Variants in KCTD2 observed in about 807,000 individuals in gnomAD.
KCTD2 encodes potassium channel tetramerization domain containing 2.
A neutral mutation model predicts 27.9 loss-of-function variants in KCTD2; 18 were observed. The observed-to-expected ratio is 0.64, with a 90% confidence interval of 0.45 to 0.96. The LOEUF is 0.96. Among genes scored for constraint, KCTD2 ranks in the 40% least tolerant of loss-of-function variants. KCTD2 has a pLI of 0.00. For missense variants in KCTD2, 280 were observed against 348.0 expected (o/e 0.80, Z 1.56); for synonymous variants, 175 against 148.4 (o/e 1.18, Z -1.30).
At chr17:75,048,616 C>T (rs1458392342) in intron 1 of KCTD2, among the ~76,000 whole-genome samples, 1 of 152,124 alleles carries the variant, frequency 6.6e-6, no homozygotes, top group Admixed American at 6.6e-5. Flanking sequence ...TCTTCTTGTT[C>T]CTTTTACTGT....
At chr17:75,052,920 C>T in intron 2 of KCTD2, 94 bp from the exon 3 acceptor site, 1 of 880,826 alleles carries the variant, frequency 1.1e-6, no homozygotes. Flanking sequence ...AATAAATAAG[C>T]AGTTTTTAGC....
upstream of KCTD2, among the ~76,000 whole-genome samples, chr17:75,043,544 C>T (rs1286882764): frequency 2.8e-5 from 4 of 144,682 alleles, no homozygotes; most frequent in Admixed American, 7.1e-5. Context: ...ACCTGGGCGG[C>T]GGAGGTTGCA....
Position 75,063,088 on chromosome 17 carries a change from A to G in KCTD2, c.*41A>G. 1 of 1,594,444 alleles carries G rather than the reference A, an allele frequency of 6.3e-7. No individual in the cohort carries two copies. The highest frequency in any genetic ancestry group is 8.6e-7 in the Non-Finnish European group (1 of 1,162,858). On this transcript the variant is annotated 3_prime_UTR_variant, in exon 6 of 6. Transcript: ENST00000322444. The stretch of plus-strand genomic sequence containing the variant: ...ACTCCAGACCTTCAGGAGAGCAGTC[A>G]GCAGAGCCCCTCTGTGAAGTGAAAC...
rs774423670 is a variant in KCTD2 at position 75,063,178 on chromosome 17, T to C, written c.*131T>C. The C allele has an allele frequency of 1.3e-5, 12 of 891,268 alleles. No individual in the cohort carries two copies. The highest frequency in any genetic ancestry group is 1.8e-5 in the Non-Finnish European group (10 of 546,940). 55.2% of individuals were successfully genotyped at this position (891,268 alleles called of 1,614,324 possible). A position where few individuals can be genotyped will look rare whatever the true frequency, so the allele number is the denominator to read the frequency against. ...CTGATCCTGGCCCCCTGTGAAGAAGTGTTCTGGTCAAAACTAAAGGAACTC... is the reference window on the plus strand; with the variant it reads ...CTGATCCTGGCCCCCTGTGAAGAAGCGTTCTGGTCAAAACTAAAGGAACTC... On this transcript the variant is annotated 3_prime_UTR_variant, in exon 6 of 6. Transcript: ENST00000322444.
At chr17:75,046,989 C>G (rs992348236), upstream of KCTD2, 3 of 199,092 alleles carry the variant, frequency 1.5e-5, no homozygotes, top group Admixed American at 6.0e-5. Context: ...ACGGGAAGAT[C>G]TTTCCTCAGC....
chr17:75,057,429 C>T (rs1037975177), intron 3 of KCTD2, among the ~76,000 whole-genome samples: 4 of 151,932 alleles, frequency 2.6e-5, no homozygotes, highest in African/African-American at 9.7e-5. Flanking sequence ...GAATTTTGTA[C>T]TTATACAATT....
At chr17:75,053,756 T>C (rs1240227024) in intron 3 of KCTD2, among the ~76,000 whole-genome samples, 1 of 151,514 alleles carries the variant, frequency 6.6e-6, no homozygotes, top group East Asian at 1.9e-4. Flanking sequence ...CCACTCTTTA[T>C]GGAGATGAGC....
chr17:75,035,509 A>G (rs2040107745), intron 3 of KCTD2, among the ~76,000 whole-genome samples: 1 of 152,172 alleles, frequency 6.6e-6, no homozygotes, highest in African/African-American at 2.4e-5. Context: ...ATCGTTATGA[A>G]GTTAAACAGC....
At chr17:75,035,543 G>A (rs918057786) in intron 3 of KCTD2, among the ~76,000 whole-genome samples, 2 of 151,936 alleles carry the variant, frequency 1.3e-5, no homozygotes, top group Non-Finnish European at 2.9e-5. Flanking sequence ...GTCTCTGGCC[G>A]GGCCCAATGG....
At chr17:75,039,674 C>G in intron 3 of KCTD2, 1 of 271,266 alleles carries the variant, frequency 3.7e-6, no homozygotes, top group South Asian at 5.6e-5. Context: ...TTGAATACTA[C>G]TTGGGTAATT....
chr17:75,034,714 C>T (rs894180045), intron 2 of KCTD2, among the ~76,000 whole-genome samples: 4 of 152,044 alleles, frequency 2.6e-5, no homozygotes, highest in Admixed American at 2.0e-4. Context: ...TGCCCTGTAA[C>T]CCCGAGAAGA....
At chr17:75,042,641 G>A (rs1423040676), upstream of KCTD2, 7 of 1,605,976 alleles carry the variant, frequency 4.4e-6, no homozygotes, top group East Asian at 4.5e-5. Context: ...GCAAGTTTTC[G>A]CCCAGCCATT....
intron 3 of KCTD2, chr17:75,039,690 A>C: frequency 3.7e-6 from 1 of 267,524 alleles, no homozygotes; most frequent in East Asian, 8.7e-5. Context: ...TAATTTTTCT[A>C]ATTCCAACTC....
intron 3 of KCTD2, among the ~76,000 whole-genome samples, chr17:75,055,574 C>G (rs1193480114): frequency 6.6e-6 from 1 of 151,802 alleles, no homozygotes; most frequent in Non-Finnish European, 1.5e-5. Flanking sequence ...TGGCTCATGC[C>G]TGTAATCCCA....
chr17:75,055,972 A>G (rs2073346383), intron 3 of KCTD2, among the ~76,000 whole-genome samples: 1 of 151,876 alleles, frequency 6.6e-6, no homozygotes. Context: ...CAGAGGTTGC[A>G]GTGAGCTGAG....
intron 2 of KCTD2, among the ~76,000 whole-genome samples, chr17:75,049,976 G>A (rs112460242): frequency 0.011 from 1,674 of 152,316 alleles, 30 homozygotes; most frequent in African/African-American, 0.039. Flanking sequence ...CCCTGATCTG[G>A]GAGCTTTGGC....
Position 75,047,247 on chromosome 17 carries a change from C to A in KCTD2, c.-4C>A. The A allele has an allele frequency of 1.2e-6, 1 of 862,652 alleles. No individual in the cohort carries two copies. The highest frequency in any genetic ancestry group is 1.5e-6 in the Non-Finnish European group (1 of 688,364). The allele number at this position is 862,652 out of a possible 1,614,324, so 53.4% of individuals were successfully genotyped here. A position where few individuals can be genotyped will look rare whatever the true frequency, so the allele number is the denominator to read the frequency against. ...GGCAGCAGCGGTGGCGGCGGCGGTC[C>A]AAGATGGCGGAACTGCAGCTGGACC... On this transcript the variant is annotated 5_prime_UTR_variant, in exon 1 of 6. Coordinates refer to ENST00000322444, the MANE Select transcript of KCTD2 (RefSeq NM_015353.3).
At chr17:75,056,975 G>A (rs2073357028) in intron 3 of KCTD2, among the ~76,000 whole-genome samples, 2 of 109,396 alleles carry the variant, frequency 1.8e-5, no homozygotes, top group African/African-American at 7.9e-5. Flanking sequence ...TTTTTTTGGA[G>A]ACAGAGTCTC....
intron 4 of KCTD2, among the ~76,000 whole-genome samples, chr17:75,061,309 T>G (rs1366048107): frequency 3.3e-5 from 5 of 152,120 alleles, no homozygotes; most frequent in Non-Finnish European, 7.3e-5. Flanking sequence ...GTGTATTTCC[T>G]CTTTAGAATT....
Sources: gnomAD v4.1 joint callset for allele counts (sites outside exome capture counted in the v4.1 genomes callset) on GRCh38, gnomAD v4.1.1 for gene constraint, MANE v1.5 for transcripts, NCBI Gene and HGNC (gene_info 2026-07-23, HGNC 2026-07-21) for gene names.